The following FBH1 variants were observed in gnomAD, a reference collection of about 807,000 sequenced individuals.
The protein encoded by FBH1 is F-box DNA helicase 1.
Under a neutral mutation model 115.5 loss-of-function variants are expected in FBH1, and 43 were observed. The ratio of observed to expected loss-of-function variants is 0.37; its 90% CI spans 0.29 to 0.48. The LOEUF (loss-of-function observed/expected upper bound fraction) is 0.48. Ranked by LOEUF, FBH1 falls within the 20% of genes least tolerant of loss-of-function variation. The probability of loss-of-function intolerance (pLI) is 0.99; values close to 1 mark genes in which losing one functional copy is unlikely to be tolerated. For missense variants in FBH1, 1,001 were observed against 1,337.3 expected, an observed-to-expected ratio of 0.75 and a Z score of 3.92; for synonymous variants, 524 against 507.8, an observed-to-expected ratio of 1.03 and a Z score of -0.43.
In FBH1 at chr10:5,917,794, T is replaced by C; in HGVS notation, c.1963+118T>C. 1 of 824,384 alleles carries C rather than the reference T, an allele frequency of 1.2e-6. No individual in the cohort carries two copies. The highest frequency in any genetic ancestry group is 2.2e-5 in the Admixed American group (1 of 44,912). 51.1% of individuals were successfully genotyped at this position (824,384 alleles called of 1,614,324 possible). A position where few individuals can be genotyped will look rare whatever the true frequency, so the allele number is the denominator to read the frequency against. On this transcript the variant is annotated intron_variant, in intron 12 of 20. Transcript: ENST00000362091. This position sits in a 1 kb window ranked among gnomAD's most constrained non-coding sequence, Gnocchi z 5.6. ...TTATTATTTGTGATAAAGAAGAGGA[T>C]CTTCATACTTACCTTAGGATTTCAA...
intron 1 of FBH1, among the ~76,000 whole-genome samples, chr10:5,902,452 C>G (rs7912210): frequency 6.6e-6 from 1 of 152,178 alleles, no homozygotes; most frequent in South Asian, 2.1e-4. Flanking sequence ...AGTTAAGGAA[C>G]AGATGCCAAA....
chr10:5,924,268 G>A lies in FBH1; in HGVS notation c.2399-43G>A. On this transcript the variant is annotated intron_variant, in intron 16 of 20. Coordinates refer to ENST00000362091, the MANE Select transcript of FBH1 (RefSeq NM_178150.3). This position sits in a 1 kb window ranked among gnomAD's most constrained non-coding sequence, Gnocchi z 6.2. ...GTGCAGCACCTGCCACCATCTGTTA[G>A]TGGAGCTTGTGTCACCTTAATTTGT... 1 of 1,599,232 alleles carries A rather than the reference G, an allele frequency of 6.3e-7. No homozygotes were observed. Among genetic ancestry groups the A allele is most frequent in the Non-Finnish European group, 8.6e-7 (1 of 1,167,354 alleles).
At chr10:5,905,349 T>G (rs1035125239) in intron 2 of FBH1, 2 of 152,112 alleles carry the variant, frequency 1.3e-5, no homozygotes, top group Non-Finnish European at 2.9e-5. Context: ...CGAAACCCCA[T>G]CTCTACTAAA....
chr10:5,895,305 T>C lies in FBH1; in HGVS notation c.1+4959T>C. 2 of 1,095,286 alleles carry C rather than the reference T, an allele frequency of 1.8e-6. No homozygotes were observed. Among genetic ancestry groups the C allele is most frequent in the Non-Finnish European group, 2.5e-6 (2 of 799,090 alleles). 67.8% of individuals were successfully genotyped at this position (1,095,286 alleles called of 1,614,324 possible). A position where few individuals can be genotyped will look rare whatever the true frequency, so the allele number is the denominator to read the frequency against. On this transcript the variant is annotated intron_variant, in intron 1 of 20. Coordinates refer to ENST00000362091, the MANE Select transcript of FBH1 (RefSeq NM_178150.3). This position sits in a 1 kb window ranked among gnomAD's most constrained non-coding sequence, Gnocchi z 5.0. ...TTGGGTATGGTATTGTAGCAGTTTC[T>C]CCAGTCAGGTACCTTGTACTAGCGA...
intron 18 of FBH1, among the ~76,000 whole-genome samples, chr10:5,926,274 C>T (rs1007765596): frequency 1.3e-5 from 2 of 152,104 alleles, no homozygotes; most frequent in African/African-American, 4.8e-5. Flanking sequence ...CCACCACGCC[C>T]AGCTAATTTT....
chr10:5,896,188 C>T (rs1264221576), intron 1 of FBH1, among the ~76,000 whole-genome samples: 3 of 152,192 alleles, frequency 2.0e-5, no homozygotes, highest in Admixed American at 6.5e-5. Flanking sequence ...TGTAAGGACT[C>T]GTTCAGGGGA....
At chr10:5,892,832 C>T (rs143698602) in intron 1 of FBH1, among the ~76,000 whole-genome samples, 1 of 152,222 alleles carries the variant, frequency 6.6e-6, no homozygotes, top group African/African-American at 2.4e-5. Flanking sequence ...TCAAACAAAG[C>T]CATGTTCTTA....
At position 5,909,795 on chromosome 10, in the gene FBH1, G is replaced by A. The variant is rs906640833; in HGVS notation, c.1020+501G>A. Among the ~76,000 whole-genome samples the A allele has an allele frequency of 2.6e-5, 4 of 152,178 alleles. No individual in the cohort carries two copies. Among genetic ancestry groups the A allele is most frequent in the South Asian group, 2.1e-4 (1 of 4,832 alleles). On this transcript the variant is annotated intron_variant, in intron 5 of 20. Transcript: ENST00000362091. This position sits in a 1 kb window ranked among gnomAD's most constrained non-coding sequence, Gnocchi z 4.4. ...TCCCAGATTTTATCTTCGAAGCTAC[G>A]TGCAACCTCTGCGTGTGTTTTACTG...
chr10:5,890,629 T>A (rs1426782937), intron 1 of FBH1, among the ~76,000 whole-genome samples: 1 of 150,724 alleles, frequency 6.6e-6, no homozygotes, highest in Non-Finnish European at 1.5e-5. Context: ...AGGCGCAGCG[T>A]GTGGGTCCTC....
At chr10:5,891,187 A>G (rs79365884) in intron 1 of FBH1, 35,548 of 985,566 alleles carry the variant, frequency 0.036, 823 homozygotes, top group East Asian at 0.16. Context: ...CGCTGTGGTA[A>G]AATGAGCGGA....
intron 10 of FBH1, among the ~76,000 whole-genome samples, chr10:5,916,895 C>T (rs1016802076): frequency 1.2e-4 from 18 of 152,308 alleles, no homozygotes; most frequent in African/African-American, 2.2e-4. Context: ...ACTTAAGCCT[C>T]GGAATAGTCC....
rs1481523624 is a variant in FBH1, at chr10:5,925,183, T to G, written c.2597-184T>G. On this transcript the variant is annotated intron_variant, in intron 17 of 20. Transcript: ENST00000362091. The surrounding 1 kb of genome is among the most constrained non-coding windows in gnomAD (Gnocchi z 4.6). ...TTCGACTTTTCCCCTCGTCTTTTTC[T>G]TTTTTCTGTTCCCGACAGTTGTCTG... 1.4e-6 allele frequency: 1 copy of G among 715,662 alleles called. No homozygotes were observed. Among genetic ancestry groups the G allele is most frequent in the African/African-American group, 1.8e-5 (1 of 55,162 alleles). 44.3% of individuals were successfully genotyped at this position (715,662 alleles called of 1,614,324 possible).
chr10:5,892,324 A>G (rs916988056), intron 1 of FBH1, among the ~76,000 whole-genome samples: 1 of 151,968 alleles, frequency 6.6e-6, no homozygotes, highest in Non-Finnish European at 1.5e-5. Flanking sequence ...TACACTGATC[A>G]TTTGACAGGT....
Position 5,900,073 on chromosome 10 carries a change from T to C in FBH1, c.2-2947T>C, listed in dbSNP as rs770372101. Among the ~76,000 whole-genome samples, 6 of 152,206 alleles carry C rather than the reference T, an allele frequency of 3.9e-5. No individual in the cohort carries two copies. Among genetic ancestry groups the C allele is most frequent in the Non-Finnish European group, 7.3e-5 (5 of 68,032 alleles). ...GTTCATAATAAGCGAGACATGTTAC[T>C]GGTTAGTTTAGAAGGTATTTCCAGT... On this transcript the variant is annotated intron_variant, in intron 1 of 20. Transcript: ENST00000362091. This position sits in a 1 kb window ranked among gnomAD's most constrained non-coding sequence, Gnocchi z 4.2.
rs1479693941 is a variant in FBH1 at position 5,895,974 on chromosome 10, C to T, written c.1+5628C>T. On this transcript the variant is annotated intron_variant, in intron 1 of 20. Transcript: ENST00000362091. The surrounding 1 kb of genome is among the most constrained non-coding windows in gnomAD (Gnocchi z 5.0). ...GCAAAACCTGAAACACTCAGTTTCACTTTCTGTGACTTGTTTTGTAAGTTG... is the reference window on the plus strand; with the variant it reads ...GCAAAACCTGAAACACTCAGTTTCATTTTCTGTGACTTGTTTTGTAAGTTG... Among the ~76,000 whole-genome samples the T allele has an allele frequency of 6.6e-6, 1 of 152,126 alleles. No homozygotes were observed. Among genetic ancestry groups the T allele is most frequent in the African/African-American group, 2.4e-5 (1 of 41,412 alleles).
chr10:5,900,466 C>T lies in FBH1; in HGVS notation c.2-2554C>T, dbSNP rs1405715610. On this transcript the variant is annotated intron_variant, in intron 1 of 20. Coordinates refer to ENST00000362091, the MANE Select transcript of FBH1 (RefSeq NM_178150.3). This position sits in a 1 kb window ranked among gnomAD's most constrained non-coding sequence, Gnocchi z 4.2. ...GCCAGGCCCTCGCCGGCTCACCACGCTGCGCTGTGCTGCTTCGTGAGAGTG... is the reference window on the plus strand; with the variant it reads ...GCCAGGCCCTCGCCGGCTCACCACGTTGCGCTGTGCTGCTTCGTGAGAGTG... Among the ~76,000 whole-genome samples the T allele has an allele frequency of 1.3e-5, 2 of 152,226 alleles. No homozygotes were observed. Among genetic ancestry groups the T allele is most frequent in the African/African-American group, 4.8e-5 (2 of 41,462 alleles).
Position 5,924,068 on chromosome 10 carries a change from T to C in FBH1, c.2399-243T>C. On this transcript the variant is annotated intron_variant, in intron 16 of 20. Coordinates refer to ENST00000362091, the MANE Select transcript of FBH1 (RefSeq NM_178150.3). The surrounding 1 kb of genome is among the most constrained non-coding windows in gnomAD (Gnocchi z 6.2). ...TGTTGACTGCACTATTTCAAATCCC[T>C]GTGAAGTAGGTGAGGATCTTGAGCC... 1.7e-6 allele frequency: 1 copy of C among 585,250 alleles called. No individual in the cohort carries two copies. 36.3% of individuals were successfully genotyped at this position (585,250 alleles called of 1,614,324 possible).
chr10:5,919,766 G>C (rs1832206475), intron 13 of FBH1, among the ~76,000 whole-genome samples: 1 of 152,204 alleles, frequency 6.6e-6, no homozygotes, highest in Non-Finnish European at 1.5e-5. Context: ...CTTCCCTTGA[G>C]CTCCTACTGC....
chr10:5,909,590 T>C lies in FBH1; in HGVS notation c.1020+296T>C, dbSNP rs1023735323. 3.7e-5 allele frequency: 13 copies of C among 353,190 alleles called. No individual in the cohort carries two copies. Among genetic ancestry groups the C allele is most frequent in the African/African-American group, 2.7e-4 (13 of 47,400 alleles). 21.9% of individuals were successfully genotyped at this position (353,190 alleles called of 1,614,324 possible). ...AAGTGGTCATCTAGCCTCTGAACAC[T>C]TTTAATAATAGGATTTCTTTACAAG... On this transcript the variant is annotated intron_variant, in intron 5 of 20. Coordinates refer to ENST00000362091, the MANE Select transcript of FBH1 (RefSeq NM_178150.3). This position sits in a 1 kb window ranked among gnomAD's most constrained non-coding sequence, Gnocchi z 4.4.
Sources: allele counts gnomAD v4.1 joint callset (sites outside exome capture counted in the v4.1 genomes callset), GRCh38; gene constraint gnomAD v4.1.1; non-coding constraint Gnocchi (gnomAD v3.1); transcripts MANE v1.5; gene names NCBI Gene and HGNC (gene_info 2026-07-23, HGNC 2026-07-21).